Variants in RALYL observed in about 807,000 individuals in gnomAD.
RALYL encodes the protein RNA-binding Raly-like protein.
A neutral mutation model predicts 35.1 loss-of-function variants in RALYL; 29 were observed. The observed-to-expected ratio is 0.83, with a 90% CI of 0.61 to 1.13. The LOEUF is 1.13. RALYL is among the 50% of genes most tolerant of loss of function. The probability of loss-of-function intolerance (pLI) is 0.00; values close to 1 mark genes in which losing one functional copy is unlikely to be tolerated. For missense variants in RALYL, 359 were observed against 360.4 expected (o/e 1.00, Z 0.03); for synonymous variants, 120 against 127.6 (o/e 0.94, Z 0.40).
At chr8:84,881,184 G>A (rs1196439179) in intron 7 of RALYL, among the ~76,000 whole-genome samples, 3 of 151,804 alleles carry the variant, frequency 2.0e-5, no homozygotes, top group African/African-American at 7.3e-5. Context: ...TAATTTTCCT[G>A]ATGTTCATTT....
At chr8:84,542,773 A>G (rs2060105242) in intron 2 of RALYL, among the ~76,000 whole-genome samples, 1 of 152,168 alleles carries the variant, frequency 6.6e-6, no homozygotes, top group Non-Finnish European at 1.5e-5. Flanking sequence ...ACATTATCTC[A>G]CTGAATATAA....
At chr8:84,872,196 CT>C in intron 6 of RALYL, among the ~76,000 whole-genome samples, 2 of 152,258 alleles carry the variant, frequency 1.3e-5, no homozygotes, top group Middle Eastern at 6.8e-3. Context: ...GCTTTAAAAT[CT>C]TTCATCTCTG....
At chr8:84,698,141 C>A (rs28644377) in intron 2 of RALYL, among the ~76,000 whole-genome samples, 6,507 of 152,130 alleles carry the variant, frequency 0.043, 295 homozygotes, top group African/African-American at 0.11. Context: ...TTCTTTCTTG[C>A]AAGCTCTTTG....
intron 1 of RALYL, among the ~76,000 whole-genome samples, chr8:84,457,649 G>A (rs990903922): frequency 4.0e-5 from 6 of 151,356 alleles, no homozygotes; most frequent in Non-Finnish European, 7.4e-5. Context: ...AATATCTTAC[G>A]CCTTGTCTTA....
At chr8:84,345,014 A>G (rs960025292) in intron 1 of RALYL, among the ~76,000 whole-genome samples, 19 of 151,850 alleles carry the variant, frequency 1.3e-4, no homozygotes, top group African/African-American at 4.4e-4. Flanking sequence ...GGGAGTAGAT[A>G]TCTTTTTAAT....
At chr8:84,300,316 T>G (rs1048426452) in intron 1 of RALYL, among the ~76,000 whole-genome samples, 3 of 152,020 alleles carry the variant, frequency 2.0e-5, no homozygotes, top group Non-Finnish European at 4.4e-5. Flanking sequence ...TTGGTATGAT[T>G]TCAGTTGTTT....
At chr8:84,217,092 T>C (rs1290125372) in intron 1 of RALYL, among the ~76,000 whole-genome samples, 1 of 152,144 alleles carries the variant, frequency 6.6e-6, no homozygotes, top group Admixed American at 6.6e-5. Flanking sequence ...TGAACACAGC[T>C]TAGCCTCTGA....
At chr8:84,598,963 A>T (rs192835641) in intron 2 of RALYL, among the ~76,000 whole-genome samples, 29 of 152,212 alleles carry the variant, frequency 1.9e-4, no homozygotes, top group South Asian at 6.2e-4. Context: ...GATCATAGCC[A>T]TTCTAATTGT....
chr8:84,874,214 A>G (rs1166847601), intron 7 of RALYL, among the ~76,000 whole-genome samples: 1 of 152,136 alleles, frequency 6.6e-6, no homozygotes, highest in Non-Finnish European at 1.5e-5. Context: ...ACTTCCCTGT[A>G]TCTGTTCTAG....
intron 2 of RALYL, among the ~76,000 whole-genome samples, chr8:84,661,278 C>T (rs1452850925): frequency 1.3e-5 from 2 of 152,008 alleles, no homozygotes; most frequent in Non-Finnish European, 2.9e-5. Flanking sequence ...TATTTTTGCC[C>T]TGTGATATAC....
At chr8:84,842,067 C>G (rs1311155392) in intron 4 of RALYL, among the ~76,000 whole-genome samples, 3 of 151,996 alleles carry the variant, frequency 2.0e-5, no homozygotes, top group Non-Finnish European at 4.4e-5. Flanking sequence ...ACTAGAGAAG[C>G]AAGAGCAAAC....
intron 3 of RALYL, among the ~76,000 whole-genome samples, chr8:84,787,854 C>G (rs756016752): frequency 6.6e-6 from 1 of 152,140 alleles, no homozygotes; most frequent in Non-Finnish European, 1.5e-5. Context: ...CCTTTGCCCA[C>G]TTTTTGATGG....
At chr8:84,920,017 T>A (rs1380061108) in intron 8 of RALYL, among the ~76,000 whole-genome samples, 1 of 152,108 alleles carries the variant, frequency 6.6e-6, no homozygotes, top group Non-Finnish European at 1.5e-5. Context: ...TCATAATCTT[T>A]GTATCATGGA....
intron 2 of RALYL, among the ~76,000 whole-genome samples, chr8:84,608,810 C>T (rs1437645832): frequency 1.3e-5 from 2 of 152,150 alleles, no homozygotes; most frequent in African/African-American, 4.8e-5. Context: ...ATCCTTGGTT[C>T]AGTTTAGCTC....
At chr8:84,204,913 CTTTATT>C (rs886318276) in intron 1 of RALYL, among the ~76,000 whole-genome samples, 120 of 152,150 alleles carry the variant, frequency 7.9e-4, no homozygotes, top group African/African-American at 2.7e-3. Flanking sequence ...GTCCTCAGAG[CTTTATT>C]GTTTTTATTC....
At chr8:84,767,568 A>G (rs1419208650) in intron 2 of RALYL, among the ~76,000 whole-genome samples, 1 of 152,140 alleles carries the variant, frequency 6.6e-6, no homozygotes, top group Non-Finnish European at 1.5e-5. Context: ...GAGAATCATG[A>G]CAAAATGCAA....
chr8:84,549,641 CCT>C (rs1159988409), intron 2 of RALYL, among the ~76,000 whole-genome samples: 1 of 152,174 alleles, frequency 6.6e-6, no homozygotes, highest in African/African-American at 2.4e-5. Flanking sequence ...AATGGAAACA[CCT>C]GATCTAGGAA....
chr8:84,905,948 C>T (rs921424581), intron 8 of RALYL, among the ~76,000 whole-genome samples: 2 of 151,884 alleles, frequency 1.3e-5, no homozygotes, highest in African/African-American at 2.4e-5. Flanking sequence ...GTTTTGAATA[C>T]GTAAAATATT....
chr8:84,628,499 T>C (rs1823228672), intron 2 of RALYL, among the ~76,000 whole-genome samples: 1 of 152,134 alleles, frequency 6.6e-6, no homozygotes, highest in Non-Finnish European at 1.5e-5. Context: ...ACCTACTACA[T>C]TATTTAAGTC....
Sources: allele counts gnomAD v4.1 joint callset (sites outside exome capture counted in the v4.1 genomes callset), GRCh38; gene constraint gnomAD v4.1.1; transcripts MANE v1.5; gene names NCBI Gene and HGNC (gene_info 2026-07-23, HGNC 2026-07-21).